DOCK1: variants seen among roughly 807,000 people sequenced by gnomAD.
DOCK1 encodes dedicator of cytokinesis 1.
A neutral mutation model predicts 262.7 loss-of-function variants in DOCK1; 138 were observed. That is an observed-to-expected ratio of 0.53 (90% CI 0.46 to 0.61). The LOEUF (loss-of-function observed/expected upper bound fraction) is 0.61. Ranked by LOEUF, DOCK1 falls within the 20% of genes least tolerant of loss-of-function variation. The pLI, the probability that DOCK1 is intolerant of heterozygous loss-of-function variation, is 0.00. For missense variants in DOCK1, 1,908 were observed against 2,370.7 expected (o/e 0.80, Z 4.05); for synonymous variants, 866 against 867.4 (o/e 1.00, Z 0.03).
intron 27 of DOCK1, among the ~76,000 whole-genome samples, chr10:127,166,295 G>A (rs1404953865): frequency 6.6e-6 from 1 of 151,978 alleles, no homozygotes; most frequent in Non-Finnish European, 1.5e-5. Context: ...TCGATCTCCT[G>A]ACCTCGTGAT....
intron 1 of DOCK1, among the ~76,000 whole-genome samples, chr10:126,958,787 A>C (rs1806982867): frequency 6.6e-6 from 1 of 152,128 alleles, no homozygotes; most frequent in East Asian, 1.9e-4. Flanking sequence ...AGATGTGTTC[A>C]GGGGAGGGTC....
At chr10:127,373,645 C>A (rs889229207) in intron 33 of DOCK1, 136 bp from the exon 34 acceptor site, 12 of 771,358 alleles carry the variant, frequency 1.6e-5, no homozygotes, top group South Asian at 5.2e-5. Flanking sequence ...GTTGGCAACT[C>A]TTAAATGAGG....
chr10:127,202,334 A>G (rs1410452221), intron 27 of DOCK1, among the ~76,000 whole-genome samples: 1 of 151,928 alleles, frequency 6.6e-6, no homozygotes, highest in Non-Finnish European at 1.5e-5. Context: ...AAAAAAAAAA[A>G]AAGAACTAGG....
At chr10:126,937,977 T>C (rs2034668282) in intron 1 of DOCK1, among the ~76,000 whole-genome samples, 1 of 152,208 alleles carries the variant, frequency 6.6e-6, no homozygotes, top group Non-Finnish European at 1.5e-5. Flanking sequence ...TTTACAGTTT[T>C]AGCTCTTGTG....
Position 127,012,379 on chromosome 10 carries a change from G to C in DOCK1, c.1201+5G>C. On this transcript the variant is annotated splice_donor_5th_base_variant and intron_variant, in intron 12 of 51. Coordinates refer to ENST00000623213, the MANE Select transcript of DOCK1 (RefSeq NM_001290223.2). The surrounding 1 kb of genome is among the most constrained non-coding windows in gnomAD (Gnocchi z 4.0). ...AAGTCAACCACAAGGGGCAGGGTAC[G>C]TATTTTCCTATTTTGTTTCTATCAG... The C allele has an allele frequency of 6.2e-7, 1 of 1,613,616 alleles. No individual in the cohort carries two copies. The highest frequency in any genetic ancestry group is 8.5e-7 in the Non-Finnish European group (1 of 1,179,604).
chr10:127,192,062 G>A (rs1396216014), intron 27 of DOCK1, among the ~76,000 whole-genome samples: 1 of 152,152 alleles, frequency 6.6e-6, no homozygotes, highest in African/African-American at 2.4e-5. Context: ...ATATGGTGGG[G>A]TTTTCTTTTG....
At chr10:127,449,769 ACT>A (rs1204668252) in intron 51 of DOCK1, among the ~76,000 whole-genome samples, 2 of 151,804 alleles carry the variant, frequency 1.3e-5, no homozygotes, top group Admixed American at 6.6e-5. Context: ...TCCTCCTGTC[ACT>A]CTCATTGATC....
intron 30 of DOCK1, among the ~76,000 whole-genome samples, chr10:127,341,314 C>T (rs1242881077): frequency 2.0e-5 from 3 of 152,176 alleles, no homozygotes; most frequent in African/African-American, 7.2e-5. Flanking sequence ...TACCTTTGTA[C>T]CCAGCTAGCA....
chr10:127,063,815 A>C (rs2045687920), intron 23 of DOCK1, among the ~76,000 whole-genome samples: 1 of 152,210 alleles, frequency 6.6e-6, no homozygotes, highest in Non-Finnish European at 1.5e-5. Flanking sequence ...CTTAGTGACT[A>C]GGGACCGGGA....
At chr10:127,296,036 G>A (rs1423813300) in intron 29 of DOCK1, among the ~76,000 whole-genome samples, 1 of 152,128 alleles carries the variant, frequency 6.6e-6, no homozygotes, top group Non-Finnish European at 1.5e-5. Flanking sequence ...TTTGGGTCAC[G>A]TTTCTTAACC....
At chr10:127,321,645 G>A (rs967282933) in intron 29 of DOCK1, among the ~76,000 whole-genome samples, 1 of 151,844 alleles carries the variant, frequency 6.6e-6, no homozygotes, top group Non-Finnish European at 1.5e-5. Context: ...GGCTGTGGAT[G>A]GCTCCCCAAC....
At chr10:126,949,494 C>A (rs1267019898) in intron 1 of DOCK1, among the ~76,000 whole-genome samples, 4 of 152,092 alleles carry the variant, frequency 2.6e-5, no homozygotes, top group African/African-American at 4.8e-5. Flanking sequence ...TGATGAGACC[C>A]ATTCTTGTGA....
Position 127,250,791 on chromosome 10 carries a change from CAAAAAAAAAAAAA to C in DOCK1, c.2949+2701_2949+2713del, listed in dbSNP as rs1180814401. Among the ~76,000 whole-genome samples the C allele has an allele frequency of 1.2e-4, 8 of 64,062 alleles. No homozygotes were observed. In the East Asian group the frequency reaches 3.7e-3, roughly 29 times the overall value. 42.0% of individuals were successfully genotyped at this position (64,062 alleles called of 152,430 possible). On this transcript the variant is annotated intron_variant, in intron 28 of 51. Coordinates refer to ENST00000623213, the MANE Select transcript of DOCK1 (RefSeq NM_001290223.2). ...TGGGCGACACAGTGAGACTCCGTCT[CAAAAAAAAAAAAA>C]AAAAAAAAAAAAAAAAAATGACGTT...
intron 25 of DOCK1, among the ~76,000 whole-genome samples, chr10:127,114,228 A>C (rs915638849): frequency 6.6e-6 from 1 of 152,162 alleles, no homozygotes; most frequent in African/African-American, 2.4e-5. Context: ...GCCTGGCTTC[A>C]GCATGCCTGT....
chr10:127,199,503 A>G (rs2057360044), intron 27 of DOCK1, among the ~76,000 whole-genome samples: 1 of 152,244 alleles, frequency 6.6e-6, no homozygotes, highest in South Asian at 2.1e-4. Flanking sequence ...GTGGAATACT[A>G]GACAGCAACC....
chr10:127,301,967 A>G (rs942426377), intron 29 of DOCK1, among the ~76,000 whole-genome samples: 4 of 151,856 alleles, frequency 2.6e-5, no homozygotes, highest in African/African-American at 4.8e-5. Flanking sequence ...AAAAGAAAAA[A>G]AAATGCAAGC....
At chr10:127,402,935 C>T in intron 38 of DOCK1, 120 bp from the exon 39 acceptor site, 1 of 955,018 alleles carries the variant, frequency 1.0e-6, no homozygotes, top group Non-Finnish European at 1.6e-6. Context: ...GTGTTATTCC[C>T]ATAATGTTTC....
chr10:126,974,289 C>T (rs2038344166), intron 2 of DOCK1, among the ~76,000 whole-genome samples: 1 of 152,180 alleles, frequency 6.6e-6, no homozygotes, highest in Non-Finnish European at 1.5e-5. Context: ...AAGCTGCAGG[C>T]ATTGCCCAAA....
intron 27 of DOCK1, among the ~76,000 whole-genome samples, chr10:127,245,596 A>G (rs1050151176): frequency 3.3e-5 from 5 of 152,134 alleles, no homozygotes; most frequent in Non-Finnish European, 5.9e-5. Flanking sequence ...CTGTGTTACA[A>G]CGGTTTTGGC....
Sources: allele counts gnomAD v4.1 joint callset (sites outside exome capture counted in the v4.1 genomes callset), GRCh38; gene constraint gnomAD v4.1.1; non-coding constraint Gnocchi (gnomAD v3.1); transcripts MANE v1.5; gene names NCBI Gene and HGNC (gene_info 2026-07-23, HGNC 2026-07-21).